The following RBPJ variants were observed in gnomAD, a reference collection of about 807,000 sequenced individuals.
RBPJ encodes recombining binding protein suppressor of hairless.
A neutral mutation model predicts 67.8 loss-of-function variants in RBPJ; 9 were observed. The ratio of observed to expected loss-of-function variants is 0.13; its 90% CI spans 0.08 to 0.23. RBPJ has a LOEUF of 0.23. Ranked by LOEUF, RBPJ falls within the 10% of genes least tolerant of loss-of-function variation. The probability of loss-of-function intolerance (pLI) is 1.00; values close to 1 mark genes in which losing one functional copy is unlikely to be tolerated. For synonymous variants in RBPJ, 198 were observed against 203.3 expected (o/e 0.97, Z 0.22); for missense variants, 305 against 595.6 (o/e 0.51, Z 5.08).
intron 1 of RBPJ, among the ~76,000 whole-genome samples, chr4:26,352,119 T>C (rs777306287): frequency 6.6e-6 from 1 of 152,222 alleles, no homozygotes; most frequent in Non-Finnish European, 1.5e-5. Flanking sequence ...TTATTTTCTC[T>C]ATATAGTGGG....
rs144641357 is a variant in RBPJ, at chr4:26,290,544, A to G, written c.-166-71902A>G. Among the ~76,000 whole-genome samples the G allele has an allele frequency of 4.2e-3, 631 of 150,606 alleles. 22 individuals are homozygous for G. Among genetic ancestry groups the G allele is most frequent in the African/African-American group, 0.015 (603 of 40,984 alleles). ...GAATTCCAAATATATCCAAGCTTCT[A>G]TGTTAGTGACTGATTGAAACCAAAG... is the stretch of plus-strand genomic sequence containing the variant. On this transcript the variant is annotated intron_variant, in intron 1 of 4. Transcript: ENST00000512351.
At chr4:26,270,421 GA>G (rs1177669396) in intron 1 of RBPJ, among the ~76,000 whole-genome samples, 35 of 53,448 alleles carry the variant, frequency 6.5e-4, no homozygotes, top group Non-Finnish European at 1.3e-3. Flanking sequence ...AAGAAAGAAA[GA>G]AAGAAAGAAA....
chr4:26,427,054 G>T (rs1009554758), intron 7 of RBPJ, among the ~76,000 whole-genome samples: 5 of 152,194 alleles, frequency 3.3e-5, no homozygotes, highest in African/African-American at 1.2e-4. Context: ...CAATGCGGCC[G>T]TGGAAGCAGA....
chr4:26,261,461 T>G (rs1447248375), intron 1 of RBPJ, among the ~76,000 whole-genome samples: 1 of 152,136 alleles, frequency 6.6e-6, no homozygotes, highest in Non-Finnish European at 1.5e-5. Context: ...GCTATATCCC[T>G]TGGTCAAAGG....
At chr4:26,204,436 G>A (rs1283966014) in intron 1 of RBPJ, among the ~76,000 whole-genome samples, 1 of 152,186 alleles carries the variant, frequency 6.6e-6, no homozygotes, top group Non-Finnish European at 1.5e-5. Context: ...GCAGAGGAAG[G>A]CGCCTTACTG....
chr4:26,375,988 T>C (rs1729692021), intron 1 of RBPJ, among the ~76,000 whole-genome samples: 1 of 152,186 alleles, frequency 6.6e-6, no homozygotes, highest in Admixed American at 6.5e-5. Context: ...ACTACTTGTC[T>C]GTTTTTTCTG....
the RBPJ span, among the ~76,000 whole-genome samples, chr4:26,154,917 G>A: frequency 6.6e-6 from 1 of 152,182 alleles, no homozygotes; most frequent in Admixed American, 6.5e-5. Flanking sequence ...ACCCCGTGAT[G>A]TAATACCCCC....
chr4:26,187,423 T>G (rs1717310660), intron 1 of RBPJ, among the ~76,000 whole-genome samples: 1 of 152,080 alleles, frequency 6.6e-6, no homozygotes. Context: ...TGAAACTTTT[T>G]TCCTCTGACT....
chr4:26,128,672 C>A, the RBPJ span, among the ~76,000 whole-genome samples: 1 of 152,136 alleles, frequency 6.6e-6, no homozygotes, highest in Non-Finnish European at 1.5e-5. Context: ...ACTAAACGGG[C>A]ATCTTATGAG....
upstream of RBPJ, among the ~76,000 whole-genome samples, chr4:26,314,803 A>T (rs998096657): frequency 6.6e-6 from 1 of 152,002 alleles, no homozygotes; most frequent in Non-Finnish European, 1.5e-5. Flanking sequence ...GAACAGACTA[A>T]TATAGTTTCC....
chr4:26,328,446 AT>A (rs928151637), intron 1 of RBPJ, among the ~76,000 whole-genome samples: 1 of 152,192 alleles, frequency 6.6e-6, no homozygotes, highest in African/African-American at 2.4e-5. Context: ...TGTAAGGGAG[AT>A]TATGGTAAGT....
At chr4:26,253,716 G>A (rs1720197270) in intron 1 of RBPJ, among the ~76,000 whole-genome samples, 1 of 148,910 alleles carries the variant, frequency 6.7e-6, no homozygotes, top group South Asian at 2.1e-4. Context: ...TATCTATGTG[G>A]ATGTAAATAT....
At chr4:26,167,460 T>A (rs1360025673) in intron 1 of RBPJ, among the ~76,000 whole-genome samples, 3 of 146,832 alleles carry the variant, frequency 2.0e-5, no homozygotes, top group Non-Finnish European at 4.5e-5. Context: ...TCCTAAGTAT[T>A]TTATTCTCTT....
intron 1 of RBPJ, among the ~76,000 whole-genome samples, chr4:26,241,203 T>TAAA (rs749378144): frequency 2.0e-5 from 2 of 97,930 alleles, no homozygotes; most frequent in Admixed American, 1.1e-4. Context: ...TCTCCAAAAA[T>TAAA]AAAAAAAAAA....
At chr4:26,393,517 G>A (rs903358933) in intron 2 of RBPJ, among the ~76,000 whole-genome samples, 2 of 152,076 alleles carry the variant, frequency 1.3e-5, no homozygotes, top group African/African-American at 4.8e-5. Context: ...AGGGACTACA[G>A]GTGCACACAA....
the RBPJ span, among the ~76,000 whole-genome samples, chr4:26,134,139 C>G: frequency 6.6e-6 from 1 of 152,248 alleles, no homozygotes; most frequent in East Asian, 1.9e-4. Flanking sequence ...ATCTGAAACA[C>G]TACTATTTAG....
At chr4:26,146,653 T>G in the RBPJ span, among the ~76,000 whole-genome samples, 1 of 151,968 alleles carries the variant, frequency 6.6e-6, no homozygotes, top group Admixed American at 6.6e-5. Context: ...TCTCATGGGG[T>G]TTATCTTCTT....
At chr4:26,327,512 A>G (rs899304894) in intron 1 of RBPJ, among the ~76,000 whole-genome samples, 1 of 151,670 alleles carries the variant, frequency 6.6e-6, no homozygotes, top group African/African-American at 2.4e-5. Flanking sequence ...GTGAAGCAGA[A>G]TACACTAGAG....
At chr4:26,294,977 G>T (rs1482089716) in intron 1 of RBPJ, among the ~76,000 whole-genome samples, 1 of 152,156 alleles carries the variant, frequency 6.6e-6, no homozygotes, top group African/African-American at 2.4e-5. Context: ...GAGGAATCAG[G>T]GATAAACCGT....
Sources: allele counts gnomAD v4.1 joint callset (sites outside exome capture counted in the v4.1 genomes callset), GRCh38; gene constraint gnomAD v4.1.1; transcripts MANE v1.5; gene names NCBI Gene and HGNC (gene_info 2026-07-23, HGNC 2026-07-21).